The following EXOC6B variants were observed in gnomAD, a reference collection of about 807,000 sequenced individuals.
EXOC6B encodes exocyst complex component 6B, also known as SEC15 homolog B.
A neutral mutation model predicts 113.5 loss-of-function variants in EXOC6B; 54 were observed. The ratio of observed to expected loss-of-function variants is 0.48; its 90% CI spans 0.38 to 0.60. EXOC6B has a LOEUF of 0.60. Ranked by LOEUF, EXOC6B falls within the 20% of genes least tolerant of loss-of-function variation. The pLI, the probability that EXOC6B is intolerant of heterozygous loss-of-function variation, is 0.00. For missense variants in EXOC6B, 797 were observed against 977.5 expected (o/e 0.82, Z 2.46); for synonymous variants, 357 against 339.0 (o/e 1.05, Z -0.58).
At chr2:72,680,151 G>A (rs921292383) in intron 6 of EXOC6B, among the ~76,000 whole-genome samples, 1 of 152,120 alleles carries the variant, frequency 6.6e-6, no homozygotes, top group Admixed American at 6.6e-5. Context: ...CAGATAAAGT[G>A]TATATGGACT....
intron 20 of EXOC6B, among the ~76,000 whole-genome samples, chr2:72,194,990 A>T (rs575848493): frequency 6.6e-6 from 1 of 152,320 alleles, no homozygotes; most frequent in South Asian, 2.1e-4. Context: ...GCCCAGCTCC[A>T]GGTGGATGGA....
At chr2:72,556,006 T>C (rs986960110) in intron 8 of EXOC6B, among the ~76,000 whole-genome samples, 7 of 152,168 alleles carry the variant, frequency 4.6e-5, no homozygotes, top group African/African-American at 9.7e-5. Context: ...TGAAGAACTA[T>C]AGCAGAAGAG....
intron 6 of EXOC6B, among the ~76,000 whole-genome samples, chr2:72,607,396 G>A (rs977932703): frequency 6.6e-6 from 1 of 152,078 alleles, no homozygotes; most frequent in Non-Finnish European, 1.5e-5. Flanking sequence ...CTAGAACTGT[G>A]AGCCAAATAA....
chr2:72,757,964 C>A (rs996228134), intron 1 of EXOC6B, among the ~76,000 whole-genome samples: 2 of 151,932 alleles, frequency 1.3e-5, no homozygotes, highest in Non-Finnish European at 2.9e-5. Context: ...ATTTCGCAAC[C>A]AGCCCGGGCA....
intron 1 of EXOC6B, among the ~76,000 whole-genome samples, chr2:72,772,897 C>A (rs1161893819): frequency 2.0e-5 from 3 of 151,862 alleles, no homozygotes; most frequent in African/African-American, 7.3e-5. Flanking sequence ...CCATAATCCC[C>A]CCACCCAAGG....
intron 20 of EXOC6B, among the ~76,000 whole-genome samples, chr2:72,259,119 A>G (rs1219047015): frequency 6.6e-6 from 1 of 152,198 alleles, no homozygotes; most frequent in Non-Finnish European, 1.5e-5. Flanking sequence ...TGAGAAATGC[A>G]TACACTGATA....
At chr2:72,597,365 T>C (rs1670137469) in intron 6 of EXOC6B, among the ~76,000 whole-genome samples, 1 of 151,788 alleles carries the variant, frequency 6.6e-6, no homozygotes, top group African/African-American at 2.4e-5. Flanking sequence ...TACACTGTTA[T>C]TTGAAAGTGG....
chr2:72,359,400 G>A (rs1473678301), intron 19 of EXOC6B, among the ~76,000 whole-genome samples: 1 of 152,108 alleles, frequency 6.6e-6, no homozygotes, highest in Non-Finnish European at 1.5e-5. Context: ...TCCAGAGGAT[G>A]CAGCAATAAG....
At chr2:72,817,833 C>A (rs147461292) in intron 1 of EXOC6B, among the ~76,000 whole-genome samples, 104 of 152,160 alleles carry the variant, frequency 6.8e-4, no homozygotes, top group Non-Finnish European at 1.2e-3. Flanking sequence ...TTCTCATCAC[C>A]TCCTCCCTAT....
At chr2:72,688,538 G>A (rs954759975) in intron 6 of EXOC6B, among the ~76,000 whole-genome samples, 1 of 151,900 alleles carries the variant, frequency 6.6e-6, no homozygotes, top group Non-Finnish European at 1.5e-5. Flanking sequence ...CTGGGGCAGG[G>A]GCAGGGGCAG....
chr2:72,424,244 G>C (rs895060572), intron 18 of EXOC6B, among the ~76,000 whole-genome samples: 1 of 151,592 alleles, frequency 6.6e-6, no homozygotes, highest in East Asian at 1.9e-4. Context: ...GGTAGAGGTA[G>C]ATAAGCTCCT....
At chr2:72,516,020 G>T (rs968000648) in intron 8 of EXOC6B, among the ~76,000 whole-genome samples, 2 of 152,090 alleles carry the variant, frequency 1.3e-5, no homozygotes, top group African/African-American at 4.8e-5. Flanking sequence ...TCACCAGCAG[G>T]CACTAGAAAA....
At chr2:72,723,008 T>G (rs762906428) in intron 5 of EXOC6B, among the ~76,000 whole-genome samples, 10 of 152,160 alleles carry the variant, frequency 6.6e-5, no homozygotes, top group Non-Finnish European at 1.5e-4. Flanking sequence ...CCCAGTATAG[T>G]CACATTTTAA....
Position 72,177,550 on chromosome 2 carries a change from C to G in EXOC6B, c.*1785G>C, listed in dbSNP as rs1677807169. On this transcript the variant is annotated 3_prime_UTR_variant, in exon 22 of 22. Transcript: ENST00000272427. The stretch of plus-strand genomic sequence containing the variant: ...GCAGTGCTCATCCCTTACCCTCATT[C>G]TGAAACCCTGGCCAACCATCCAGCC... The G allele has an allele frequency of 6.6e-6, 1 of 152,234 alleles. No individual in the cohort carries two copies. The highest frequency in any genetic ancestry group is 2.4e-5 in the African/African-American group (1 of 41,460). 9.4% of individuals were successfully genotyped at this position (152,234 alleles called of 1,614,324 possible). A position where few individuals can be genotyped will look rare whatever the true frequency, so the allele number is the denominator to read the frequency against.
intron 16 of EXOC6B, among the ~76,000 whole-genome samples, chr2:72,484,351 G>A (rs1247628164): frequency 4.9e-4 from 73 of 149,580 alleles, no homozygotes; most frequent in African/African-American, 1.7e-3. Flanking sequence ...GAGGTCAGGA[G>A]ATCAAGACCA....
chr2:72,543,185 C>T (rs995455771), intron 8 of EXOC6B, among the ~76,000 whole-genome samples: 2 of 151,846 alleles, frequency 1.3e-5, no homozygotes, highest in Non-Finnish European at 2.9e-5. Flanking sequence ...AAAAGAACAA[C>T]CAGAAATGAG....
intron 1 of EXOC6B, among the ~76,000 whole-genome samples, chr2:72,809,670 C>CA (rs1559020548): frequency 6.6e-6 from 1 of 151,786 alleles, no homozygotes; most frequent in Non-Finnish European, 1.5e-5. Flanking sequence ...TTTAGCAAAT[C>CA]AAAAAAGATG....
At chr2:72,342,639 G>A (rs574074743) in intron 19 of EXOC6B, among the ~76,000 whole-genome samples, 1 of 152,054 alleles carries the variant, frequency 6.6e-6, no homozygotes, top group East Asian at 1.9e-4. Flanking sequence ...AGGTTCCTCA[G>A]AATATTAAAA....
rs1558630731 is a variant in EXOC6B at position 72,401,566 on chromosome 2, CATATATATATATATACAT to C, written c.1981-21714_1981-21697del. Among the ~76,000 whole-genome samples, 50 of 14,870 alleles carry C rather than the reference CATATATATATATATACAT, an allele frequency of 3.4e-3. 1 individual carries two copies. Among genetic ancestry groups the C allele is most frequent in the Admixed American group, 0.013 (13 of 1,000 alleles). 9.8% of individuals were successfully genotyped at this position (14,870 alleles called of 152,430 possible). A position where few individuals can be genotyped will look rare whatever the true frequency, so the allele number is the denominator to read the frequency against. On this transcript the variant is annotated intron_variant, in intron 18 of 21. Coordinates refer to ENST00000272427, the MANE Select transcript of EXOC6B (RefSeq NM_015189.3). ...ATATGTGTATATATATATATATATA[CATATATATATATATACAT>C]ATATATATATATATATATGTGTATA...
Sources: allele counts gnomAD v4.1 joint callset (sites outside exome capture counted in the v4.1 genomes callset), GRCh38; gene constraint gnomAD v4.1.1; transcripts MANE v1.5; gene names NCBI Gene and HGNC (gene_info 2026-07-23, HGNC 2026-07-21).